CIT: variants seen among roughly 807,000 people sequenced by gnomAD.
CIT encodes citron rho-interacting serine/threonine kinase, also known as citron Rho-interacting kinase.
CIT carries 79 observed loss-of-function variants against 272.7 expected under a neutral mutation model. The observed-to-expected ratio is 0.29, with a 90% CI of 0.24 to 0.35. The LOEUF (loss-of-function observed/expected upper bound fraction) is 0.35. CIT is among the 10% of genes least tolerant of loss of function. The pLI, the probability that CIT is intolerant of heterozygous loss-of-function variation, is 1.00. For missense variants in CIT, 1,909 were observed against 2,618.3 expected (o/e 0.73, Z 5.91); for synonymous variants, 948 against 995.6 (o/e 0.95, Z 0.90).
chr12:119,745,806 T>TA (rs1348168624), intron 23 of CIT, among the ~76,000 whole-genome samples: 3 of 103,694 alleles, frequency 2.9e-5, no homozygotes, highest in South Asian at 6.6e-4. Context: ...GATATACCAA[T>TA]AAAAAAATAC....
chr12:119,762,634 T>C (rs1566005423), intron 19 of CIT, among the ~76,000 whole-genome samples: 1 of 152,190 alleles, frequency 6.6e-6, no homozygotes, highest in East Asian at 1.9e-4. Flanking sequence ...GCTAAAGCAA[T>C]GAAATACATT....
intron 43 of CIT, 87 bp downstream of exon 43, chr12:119,701,537 A>T (rs1956577819): frequency 2.7e-6 from 4 of 1,482,818 alleles, no homozygotes; most frequent in Non-Finnish European, 3.7e-6. Context: ...ATCCTGCCCC[A>T]GAGCTCCATG....
chr12:119,855,896 C>G (rs2138292961), intron 4 of CIT, among the ~76,000 whole-genome samples: 1 of 152,246 alleles, frequency 6.6e-6, no homozygotes, highest in Non-Finnish European at 1.5e-5. Context: ...CGTAATGCCT[C>G]TTCTCCAGGA....
Position 119,697,862 on chromosome 12 carries a change from T to TA in CIT, c.5703-25dup. 1 of 1,613,608 alleles carries TA rather than the reference T, an allele frequency of 6.2e-7. No individual in the cohort carries two copies. The highest frequency in any genetic ancestry group is 1.7e-5 in the Admixed American group (1 of 60,004). On this transcript the variant is annotated intron_variant, in intron 45 of 47. Coordinates refer to ENST00000392521, the MANE Select transcript of CIT (RefSeq NM_001206999.2). This position sits in a 1 kb window ranked among gnomAD's most constrained non-coding sequence, Gnocchi z 4.9. ...TCCTGCAGAGTCCCAGAGTTCCAGTTACCTTCATTGCAGGCTACCTCCATT... is the reference window on the plus strand; with the variant it reads ...TCCTGCAGAGTCCCAGAGTTCCAGTTAACCTTCATTGCAGGCTACCTCCATT...
rs1197708628 is a variant in CIT at position 119,710,149 on chromosome 12, G to A, written c.5071+102C>T. 1.5e-5 allele frequency: 19 copies of A among 1,289,290 alleles called. No homozygotes were observed. Among genetic ancestry groups the A allele is most frequent in the East Asian group, 4.6e-5 (2 of 43,258 alleles). The allele number at this position is 1,289,290 out of a possible 1,614,324, so 79.9% of individuals were successfully genotyped here. On this transcript the variant is annotated intron_variant, in intron 39 of 47. Transcript: ENST00000392521. The surrounding 1 kb of genome is among the most constrained non-coding windows in gnomAD (Gnocchi z 5.6). Reference sequence around the variant, plus strand: ...GGGACACAGAGATAAGAGCTACAACGGCTCCTCTCTACTATTTTGTGTTTT... The same window carrying A: ...GGGACACAGAGATAAGAGCTACAACAGCTCCTCTCTACTATTTTGTGTTTT...
intron 4 of CIT, among the ~76,000 whole-genome samples, chr12:119,852,161 G>C (rs1970261898): frequency 6.6e-6 from 1 of 152,218 alleles, no homozygotes; most frequent in Admixed American, 6.5e-5. Flanking sequence ...AACTGAAACA[G>C]AGAGTCTTCT....
intron 21 of CIT, among the ~76,000 whole-genome samples, 172 bp downstream of exon 21, chr12:119,758,419 A>T (rs1000816007): frequency 9.2e-5 from 14 of 152,204 alleles, no homozygotes; most frequent in Admixed American, 2.6e-4. Context: ...CAAAAGTGGC[A>T]GAGTGAGACC....
rs183893177 is a variant in CIT at position 119,809,924 on chromosome 12, G to A, written c.1112-6535C>T. Among the ~76,000 whole-genome samples, 35 of 152,350 alleles carry A rather than the reference G, an allele frequency of 2.3e-4. No homozygotes were observed. In the South Asian group the frequency reaches 5.0e-3, roughly 22 times the overall value. On this transcript the variant is annotated intron_variant, in intron 9 of 47. Coordinates refer to ENST00000392521, the MANE Select transcript of CIT (RefSeq NM_001206999.2). ...GGAGAGCTTCCGGATAGCTGAACAC[G>A]TGGAGGTTCCTGGAGGGCGACCAGG... is the stretch of plus-strand genomic sequence containing the variant.
chr12:119,867,431 C>T (rs1350748344), intron 3 of CIT, among the ~76,000 whole-genome samples: 5 of 152,134 alleles, frequency 3.3e-5, no homozygotes, highest in African/African-American at 4.8e-5. Context: ...TCAAGTGATC[C>T]GCCGCCTCAG....
chr12:119,735,327 G>C lies in CIT; in HGVS notation c.2989C>G (p.Gln997Glu). 1 of 1,614,172 alleles carries C rather than the reference G, an allele frequency of 6.2e-7. No individual in the cohort carries two copies. ...VITDLEEQLNQLTEDNAELNN... is the reference protein window; with the variant it reads ...VITDLEEQLNELTEDNAELNN... ...AGTTCAGCGTTGTCCTCGGTCAGCT[G>C]GTTTAGCTGCTCCTCCAGGTCTGTG... The change falls in exon 25 of 48, where the codon CAG becomes GAG. Residue 997 changes from glutamine (Q) to glutamate (E), a missense_variant. Transcript: ENST00000392521.
At chr12:119,762,053 AT>A in intron 19 of CIT, among the ~76,000 whole-genome samples, 1 of 152,356 alleles carries the variant, frequency 6.6e-6, no homozygotes, top group South Asian at 2.1e-4. Flanking sequence ...GATCCTGGGA[AT>A]AAAGCTGAAA....
At chr12:119,855,591 G>C (rs1970535244) in intron 4 of CIT, among the ~76,000 whole-genome samples, 1 of 151,978 alleles carries the variant, frequency 6.6e-6, no homozygotes, top group Non-Finnish European at 1.5e-5. Flanking sequence ...CACTGCTTGT[G>C]CTGGCTTCTC....
chr12:119,731,272 C>T (rs1482862516), intron 26 of CIT, among the ~76,000 whole-genome samples: 3 of 151,986 alleles, frequency 2.0e-5, no homozygotes, highest in Admixed American at 6.6e-5. Context: ...GTCAAGAGTT[C>T]GAGACCAGCC....
At chr12:119,818,640 A>G (rs1967415097) in intron 9 of CIT, among the ~76,000 whole-genome samples, 1 of 152,262 alleles carries the variant, frequency 6.6e-6, no homozygotes, top group Non-Finnish European at 1.5e-5. Context: ...CTGAAAAATC[A>G]GGATCATGTG....
In CIT at chr12:119,710,795, A is replaced by C. The variant is rs1957124597; in HGVS notation, c.4855-175T>G. 2 of 689,410 alleles carry C rather than the reference A, an allele frequency of 2.9e-6. No homozygotes were observed. The highest frequency in any genetic ancestry group is 3.6e-5 in the African/African-American group (2 of 55,706). The allele number at this position is 689,410 out of a possible 1,614,324, so 42.7% of individuals were successfully genotyped here. A position where few individuals can be genotyped will look rare whatever the true frequency, so the allele number is the denominator to read the frequency against. On this transcript the variant is annotated intron_variant, in intron 37 of 47. Transcript: ENST00000392521. The surrounding 1 kb of genome is among the most constrained non-coding windows in gnomAD (Gnocchi z 5.6). ...ATTTTGATCTGAGCTCCAAATGCAA[A>C]ATGCGAGTGCTATTGGTATCTCTGG...
At chr12:119,846,357 C>G (rs1417962677) in intron 5 of CIT, among the ~76,000 whole-genome samples, 1 of 152,144 alleles carries the variant, frequency 6.6e-6, no homozygotes, top group Non-Finnish European at 1.5e-5. Flanking sequence ...CAAAGCATTT[C>G]AATAATGCTT....
chr12:119,832,936 A>C (rs1440866300), intron 6 of CIT, 72 bp from the exon 7 acceptor site: 132 of 1,069,110 alleles, frequency 1.2e-4, no homozygotes, highest in Middle Eastern at 2.0e-4. Flanking sequence ...CTAGAATCTC[A>C]ATTGAGCCAA....
intron 17 of CIT, among the ~76,000 whole-genome samples, chr12:119,771,871 C>G (rs1455366763): frequency 6.6e-6 from 1 of 152,052 alleles, no homozygotes; most frequent in Non-Finnish European, 1.5e-5. Flanking sequence ...GAAATGACAC[C>G]AAAGTTTCAA....
chr12:119,687,984 T>C lies in CIT; in HGVS notation c.*248A>G. ...AAAGTTTGTGAATGCTTTGAAAGAGTAACAAAGTGCAAAGAGATGACTGCA... is the reference window on the plus strand; with the variant it reads ...AAAGTTTGTGAATGCTTTGAAAGAGCAACAAAGTGCAAAGAGATGACTGCA... On this transcript the variant is annotated 3_prime_UTR_variant, in exon 48 of 48. Coordinates refer to ENST00000392521, the MANE Select transcript of CIT (RefSeq NM_001206999.2). The C allele has an allele frequency of 1.8e-6, 1 of 555,698 alleles. No homozygotes were observed. Among genetic ancestry groups the C allele is most frequent in the Non-Finnish European group, 3.2e-6 (1 of 311,910 alleles). The allele number at this position is 555,698 out of a possible 1,614,324, so 34.4% of individuals were successfully genotyped here.
Sources: allele counts gnomAD v4.1 joint callset (sites outside exome capture counted in the v4.1 genomes callset), GRCh38; gene constraint gnomAD v4.1.1; non-coding constraint Gnocchi (gnomAD v3.1); transcripts MANE v1.5; gene names NCBI Gene and HGNC (gene_info 2026-07-23, HGNC 2026-07-21).